The following ZNF516 variants were observed in gnomAD, a reference collection of about 807,000 sequenced individuals.
ZNF516 encodes the protein zinc finger protein 516.
In ZNF516, 19 loss-of-function variants were observed where a neutral mutation model predicts 79.7. The ratio of observed to expected loss-of-function variants is 0.24; its 90% confidence interval spans 0.17 to 0.35. The LOEUF is 0.35. Among genes scored for constraint, ZNF516 ranks in the 10% least tolerant of loss-of-function variants. The probability of loss-of-function intolerance (pLI) is 1.00; values close to 1 mark genes in which losing one functional copy is unlikely to be tolerated. For missense variants in ZNF516, 1,678 were observed against 1,679.5 expected, an observed-to-expected ratio of 1.00 and a Z score of 0.02; for synonymous variants, 877 against 739.5, an observed-to-expected ratio of 1.19 and a Z score of -3.02.
chr18:76,378,747 C>T lies in ZNF516; in HGVS notation c.3259+108G>A, dbSNP rs1360021876. On this transcript the variant is annotated intron_variant, in intron 4 of 6. Coordinates refer to ENST00000443185, the MANE Select transcript of ZNF516 (RefSeq NM_014643.4). ...TCAGCAGTGGGATGGGGCCGGCTGG[C>T]TCTGTCCTCAGGGACATGGACAGGC... 2.8e-6 allele frequency: 4 copies of T among 1,452,430 alleles called. No homozygotes were observed. In the South Asian group the frequency reaches 4.2e-5, roughly 15 times the overall value. The allele number at this position is 1,452,430 out of a possible 1,614,324, so 90.0% of individuals were successfully genotyped here.
intron 6 of ZNF516, among the ~76,000 whole-genome samples, chr18:76,365,831 C>G (rs1037991574): frequency 3.9e-5 from 6 of 152,142 alleles, no homozygotes; most frequent in African/African-American, 1.4e-4. Flanking sequence ...TGTCTACGAT[C>G]GAGGCAAAAG....
At chr18:76,373,230 A>C (rs554469470) in intron 4 of ZNF516, among the ~76,000 whole-genome samples, 1 of 141,868 alleles carries the variant, frequency 7.0e-6, no homozygotes, top group Non-Finnish European at 1.5e-5. Flanking sequence ...AAGAGGAGAG[A>C]GGAGGGAAGA....
chr18:76,423,517 G>A (rs1015748152), intron 3 of ZNF516, among the ~76,000 whole-genome samples: 169 of 147,732 alleles, frequency 1.1e-3, no homozygotes, highest in Non-Finnish European at 1.0e-3. Flanking sequence ...AGGTTCCCCC[G>A]AAACACACGC....
intron 3 of ZNF516, among the ~76,000 whole-genome samples, chr18:76,402,199 G>A (rs1382293611): frequency 2.0e-5 from 3 of 152,130 alleles, no homozygotes; most frequent in Non-Finnish European, 4.4e-5. Flanking sequence ...TACAAATCCC[G>A]CCAGTGGCCA....
chr18:76,457,738 G>A (rs988463017), intron 2 of ZNF516, among the ~76,000 whole-genome samples: 14 of 152,082 alleles, frequency 9.2e-5, no homozygotes, highest in African/African-American at 3.1e-4. Context: ...AAAAAAGAGT[G>A]ATATGGGGGC....
chr18:76,415,416 A>G (rs548579446), intron 3 of ZNF516, among the ~76,000 whole-genome samples: 3 of 152,208 alleles, frequency 2.0e-5, no homozygotes, highest in Non-Finnish European at 4.4e-5. Flanking sequence ...ACTTTACTAG[A>G]TGTGAATTTT....
At chr18:76,431,442 A>G (rs1347696982) in intron 3 of ZNF516, among the ~76,000 whole-genome samples, 1 of 152,248 alleles carries the variant, frequency 6.6e-6, no homozygotes, top group Non-Finnish European at 1.5e-5. Context: ...CCAGGAAGTC[A>G]ATCCTGAAAG....
rs1248487988 is a variant in ZNF516, at chr18:76,441,514, G to A, written c.1541C>T (p.Ser514Phe). Residue 514 changes from serine (S) to phenylalanine (F), a missense_variant, in exon 3 of 7, where the codon TCC (serine) becomes TTC (phenylalanine). By Grantham distance (155) the Ser-to-Phe change is radical. Around this residue, in one of 5 missense-constraint regions of ZNF516, gnomAD observed 1,294 missense variants for 1,248.3 expected, o/e 1.04. Coordinates refer to ENST00000443185, the MANE Select transcript of ZNF516 (RefSeq NM_014643.4). The part of the protein sequence containing the change: ...RAAATTGQGK[S>F]SECFECGKIF... ...CTTGCCGCACTCGAAGCACTCGGAG[G>A]ACTTGCCCTGGCCGGTGGTGGCTGC... 1 of 1,587,502 alleles carries A rather than the reference G, an allele frequency of 6.3e-7. No individual in the cohort carries two copies. Among genetic ancestry groups the A allele is most frequent in the South Asian group, 1.1e-5 (1 of 87,768 alleles).
chr18:76,383,800 C>T (rs989927307), intron 3 of ZNF516, among the ~76,000 whole-genome samples: 3 of 152,252 alleles, frequency 2.0e-5, no homozygotes, highest in Non-Finnish European at 4.4e-5. Context: ...AAGCGCTCCC[C>T]GCATTCATCA....
chr18:76,470,322 C>CAT (rs954765723), intron 1 of ZNF516, among the ~76,000 whole-genome samples: 25 of 151,972 alleles, frequency 1.6e-4, no homozygotes, highest in Admixed American at 1.0e-3. Context: ...AATTCTAATT[C>CAT]ATATATATAT....
chr18:76,373,312 G>A (rs936244706), intron 4 of ZNF516, among the ~76,000 whole-genome samples: 1 of 151,206 alleles, frequency 6.6e-6, no homozygotes, highest in African/African-American at 2.4e-5. Context: ...AAAGAGAAGG[G>A]GAGAAAGAAA....
rs550796836 is a variant in ZNF516, at chr18:76,403,672, G to T, written c.1811-23369C>A. The stretch of plus-strand genomic sequence containing the variant: ...AAGTGAGAAAACAGGCGCATGTTTG[G>T]AGGTAATTCTTAAAGCTGAGAGCAT... On this transcript the variant is annotated intron_variant, in intron 3 of 6. Coordinates refer to ENST00000443185, the MANE Select transcript of ZNF516 (RefSeq NM_014643.4). Among the ~76,000 whole-genome samples, 329 of 152,284 alleles carry T rather than the reference G, an allele frequency of 2.2e-3. 9 individuals are homozygous for T. The South Asian group carries it at 0.046, about 21-fold the overall frequency.
chr18:76,389,566 G>C (rs953187756), intron 3 of ZNF516, among the ~76,000 whole-genome samples: 2 of 152,184 alleles, frequency 1.3e-5, no homozygotes, highest in Admixed American at 6.5e-5. Flanking sequence ...AAGGTTCTAA[G>C]TTTCGTGTAC....
intron 3 of ZNF516, among the ~76,000 whole-genome samples, chr18:76,385,415 C>T (rs958464637): frequency 2.6e-5 from 4 of 152,202 alleles, no homozygotes; most frequent in Non-Finnish European, 4.4e-5. Context: ...CACAGAAATG[C>T]GGTGAGGGCA....
In ZNF516 at chr18:76,467,609, G is replaced by A. The variant is rs1287789708; in HGVS notation, c.-271-4468C>T. Among the ~76,000 whole-genome samples the A allele has an allele frequency of 6.6e-6, 1 of 152,130 alleles. No individual in the cohort carries two copies. The highest frequency in any genetic ancestry group is 1.9e-4 in the East Asian group (1 of 5,184). ...GTGGTGGGGAGGTCCAAACCAGAGG[G>A]GAGTCCCTGCTGCTCCTTCCTAACT... is the stretch of plus-strand genomic sequence containing the variant. On this transcript the variant is annotated intron_variant, in intron 1 of 6. Transcript: ENST00000443185. This position sits in a 1 kb window ranked among gnomAD's most constrained non-coding sequence, Gnocchi z 4.2.
chr18:76,375,158 T>C (rs553590732), intron 4 of ZNF516, among the ~76,000 whole-genome samples: 3 of 152,216 alleles, frequency 2.0e-5, no homozygotes, highest in African/African-American at 7.2e-5. Flanking sequence ...ACCTTTCCAA[T>C]AGTCTGACCA....
At chr18:76,449,753 G>A (rs1258661735) in intron 2 of ZNF516, among the ~76,000 whole-genome samples, 1 of 152,180 alleles carries the variant, frequency 6.6e-6, no homozygotes, top group East Asian at 1.9e-4. Context: ...TCAGTGCAAA[G>A]GTACTTGGTC....
intron 1 of ZNF516, among the ~76,000 whole-genome samples, chr18:76,478,014 GA>G (rs1914275234): frequency 1.3e-5 from 2 of 152,106 alleles, no homozygotes; most frequent in Admixed American, 6.6e-5. Flanking sequence ...ATTCTGAAGG[GA>G]AAAGGAGGTT....
At chr18:76,396,923 C>T (rs1257402689) in intron 3 of ZNF516, among the ~76,000 whole-genome samples, 1 of 152,172 alleles carries the variant, frequency 6.6e-6, no homozygotes, top group African/African-American at 2.4e-5. Context: ...CATAAGCTGC[C>T]TGTGCAAGGG....
Sources: gnomAD v4.1 joint callset for allele counts (sites outside exome capture counted in the v4.1 genomes callset) on GRCh38, gnomAD v4.1.1 for gene constraint, gnomAD v4.1.1 regional missense constraint, Gnocchi (gnomAD v3.1) non-coding constraint, MANE v1.5 for transcripts, NCBI Gene and HGNC (gene_info 2026-07-23, HGNC 2026-07-21) for gene names.